The following CNBD1 variants were observed in gnomAD, a reference collection of about 807,000 sequenced individuals.
The protein encoded by CNBD1 is cyclic nucleotide binding domain containing 1.
CNBD1 carries 71 observed loss-of-function variants against 54.4 expected under a neutral mutation model. The observed-to-expected ratio is 1.30, with a 90% CI of 1.08 to 1.59. CNBD1 has a LOEUF of 1.59. Among genes scored for constraint, CNBD1 ranks in the 40% most tolerant of loss-of-function variants. The pLI is 0.00. For synonymous variants in CNBD1, 182 were observed against 170.7 expected, an observed-to-expected ratio of 1.07 and a Z score of -0.51; for missense variants, 659 against 518.0, an observed-to-expected ratio of 1.27 and a Z score of -2.64.
intron 4 of CNBD1, among the ~76,000 whole-genome samples, chr8:86,949,950 T>TTTTTTTTG (rs1807563351): frequency 1.3e-5 from 1 of 78,566 alleles, no homozygotes; most frequent in Admixed American, 1.5e-4. Flanking sequence ...TCAAATGCTT[T>TTTTTTTTG]TTTTTTTTTT....
At chr8:87,024,330 T>G (rs1809577518) in intron 4 of CNBD1, among the ~76,000 whole-genome samples, 1 of 151,592 alleles carries the variant, frequency 6.6e-6, no homozygotes, top group South Asian at 2.1e-4. Flanking sequence ...ATTTTATTTA[T>G]TTTTATAATT....
intron 4 of CNBD1, among the ~76,000 whole-genome samples, chr8:87,073,688 G>T (rs1383928601): frequency 6.6e-6 from 1 of 152,166 alleles, no homozygotes; most frequent in Non-Finnish European, 1.5e-5. Context: ...TCCTCTGGAA[G>T]CTCTGTCCCA....
intron 4 of CNBD1, among the ~76,000 whole-genome samples, chr8:87,097,742 C>T (rs1811348304): frequency 6.6e-6 from 1 of 152,196 alleles, no homozygotes; most frequent in Non-Finnish European, 1.5e-5. Flanking sequence ...TGTGCCTTGG[C>T]TCAAACTTTC....
intron 4 of CNBD1, among the ~76,000 whole-genome samples, chr8:87,200,835 A>G (rs1355389513): frequency 6.6e-6 from 1 of 152,158 alleles, no homozygotes; most frequent in African/African-American, 2.4e-5. Context: ...CTCTTAAGGA[A>G]CTAAAAACAA....
At chr8:87,400,608 C>T (rs1457362860) in intron 2 of CNBD1, among the ~76,000 whole-genome samples, 2 of 151,842 alleles carry the variant, frequency 1.3e-5, no homozygotes, top group African/African-American at 2.4e-5. Context: ...ATAATAGATG[C>T]CATTTATCCC....
Position 87,255,993 on chromosome 8 carries a change from ATATATATATATATATATATATATTTTTT to A in CNBD1, c.771+18883_771+18910del, listed in dbSNP as rs1457195087. On this transcript the variant is annotated intron_variant, in intron 6 of 10. Transcript: ENST00000518476. ...TACAAATATATATATATATATATAT[ATATATATATATATATATATATATTTTTT>A]TTTTTTTTTTTTTTTTTTTGAGACA... 5.2e-3 allele frequency among the ~76,000 whole-genome samples: 66 copies of A among 12,756 alleles called. 2 individuals carry two copies. The highest frequency in any genetic ancestry group is 0.02 in the African/African-American group (49 of 2,462). 8.4% of individuals were successfully genotyped at this position (12,756 alleles called of 152,430 possible).
At chr8:87,278,001 T>A (rs114451213) in intron 6 of CNBD1, among the ~76,000 whole-genome samples, 4 of 151,452 alleles carry the variant, frequency 2.6e-5, no homozygotes, top group African/African-American at 9.7e-5. Context: ...GAACAATAAA[T>A]AAGAAAATGG....
At chr8:87,080,981 A>AT (rs138772305) in intron 4 of CNBD1, among the ~76,000 whole-genome samples, 31,663 of 146,994 alleles carry the variant, frequency 0.22, 3,766 homozygotes, top group Non-Finnish European at 0.29. Context: ...TCTTTCACCC[A>AT]TTTTTTTTTG....
At chr8:87,345,466 C>A (rs917346628) in intron 8 of CNBD1, among the ~76,000 whole-genome samples, 1 of 152,088 alleles carries the variant, frequency 6.6e-6, no homozygotes, top group African/African-American at 2.4e-5. Flanking sequence ...CACTTGACTT[C>A]GTTTATTTTG....
rs76309008 is a variant in CNBD1, at chr8:87,142,276, G to T, written c.432-63717G>T. Among the ~76,000 whole-genome samples the T allele has an allele frequency of 7.9e-5, 12 of 152,218 alleles. No individual in the cohort carries two copies. The East Asian group carries it at 2.3e-3, about 29-fold the overall frequency. ...AGTAAAATTCTGTGAAGAAAAGTGA[G>T]GTTGGGAATAATCAGTAATGAAGTC... is the stretch of plus-strand genomic sequence containing the variant. On this transcript the variant is annotated intron_variant, in intron 4 of 10. Transcript: ENST00000518476.
chr8:87,365,006 C>CCGGTA (rs1274666151), intron 10 of CNBD1, among the ~76,000 whole-genome samples: 4 of 151,800 alleles, frequency 2.6e-5, no homozygotes, highest in African/African-American at 9.7e-5. Context: ...TGGTATATAC[C>CCGGTA]CAGTGGTGAG....
chr8:87,387,139 C>A (rs1811206292), downstream of CNBD1, among the ~76,000 whole-genome samples: 1 of 152,150 alleles, frequency 6.6e-6, no homozygotes, highest in Non-Finnish European at 1.5e-5. Flanking sequence ...CGGTACCAGC[C>A]ACTGCGAAAA....
intron 5 of CNBD1, among the ~76,000 whole-genome samples, chr8:87,211,256 T>G (rs1583205): frequency 0.57 from 86,578 of 152,018 alleles, 25,350 homozygotes; most frequent in African/African-American, 0.65. Context: ...TAAATAGTAC[T>G]TTTTGATTTT....
intron 8 of CNBD1, among the ~76,000 whole-genome samples, chr8:87,338,982 C>T (rs1054428024): frequency 2.0e-5 from 3 of 152,124 alleles, no homozygotes; most frequent in African/African-American, 7.2e-5. Context: ...TCACAGTTTT[C>T]TCTTCCTTTA....
At chr8:87,259,876 G>A (rs1056375983) in intron 6 of CNBD1, among the ~76,000 whole-genome samples, 3 of 152,114 alleles carry the variant, frequency 2.0e-5, no homozygotes, top group African/African-American at 4.8e-5. Context: ...TTAAAATTTA[G>A]TATTACCTGA....
At chr8:87,399,277 G>T (rs750032614) in intron 2 of CNBD1, among the ~76,000 whole-genome samples, 1 of 151,946 alleles carries the variant, frequency 6.6e-6, no homozygotes, top group Admixed American at 6.6e-5. Flanking sequence ...TGTGCTTGTC[G>T]TGAGGATACC....
chr8:86,920,242 T>C (rs151302549), intron 3 of CNBD1, among the ~76,000 whole-genome samples: 119 of 152,308 alleles, frequency 7.8e-4, no homozygotes, highest in African/African-American at 2.8e-3. Context: ...TTTTTTGGTA[T>C]ATTTTAATTT....
intron 6 of CNBD1, among the ~76,000 whole-genome samples, chr8:87,263,672 A>T (rs971964771): frequency 6.6e-6 from 1 of 152,164 alleles, no homozygotes; most frequent in Non-Finnish European, 1.5e-5. Flanking sequence ...GGACCATGAA[A>T]TTTTACCAAG....
At chr8:87,216,922 G>C (rs185672900) in intron 5 of CNBD1, among the ~76,000 whole-genome samples, 4 of 152,102 alleles carry the variant, frequency 2.6e-5, no homozygotes, top group South Asian at 2.1e-4. Context: ...CTGGCTTATA[G>C]AAATCAGTGC....
Sources: gnomAD v4.1 joint callset for allele counts (sites outside exome capture counted in the v4.1 genomes callset) on GRCh38, gnomAD v4.1.1 for gene constraint, MANE v1.5 for transcripts, NCBI Gene and HGNC (gene_info 2026-07-23, HGNC 2026-07-21) for gene names.